Variants in LINGO1 observed in about 807,000 individuals in gnomAD.
LINGO1 encodes leucine-rich repeat and immunoglobulin-like domain-containing nogo receptor-interacting protein 1.
Under a neutral mutation model 37.3 loss-of-function variants are expected in LINGO1, and 11 were observed. The observed-to-expected ratio is 0.29, with a 90% confidence interval of 0.19 to 0.49. The LOEUF (loss-of-function observed/expected upper bound fraction) is 0.49, where lower values mean the gene tolerates loss of function less well. Ranked by LOEUF, LINGO1 falls within the 20% of genes least tolerant of loss-of-function variation. LINGO1 has a pLI of 0.99. For missense variants in LINGO1, 585 were observed against 878.2 expected (o/e 0.67, Z 4.22); for synonymous variants, 387 against 403.0 (o/e 0.96, Z 0.48).
chr15:77,644,922 G>A (rs1409042467), intron 3 of LINGO1, among the ~76,000 whole-genome samples: 3 of 152,068 alleles, frequency 2.0e-5, no homozygotes, highest in African/African-American at 7.3e-5. Flanking sequence ...CCCGAGAGGC[G>A]GAGAGATCTA....
upstream of LINGO1, among the ~76,000 whole-genome samples, chr15:77,639,060 C>G (rs768395884): frequency 2.0e-5 from 3 of 152,122 alleles, no homozygotes; most frequent in Non-Finnish European, 4.4e-5. Flanking sequence ...ACTGATGTCT[C>G]TAGTCAACCC....
chr15:77,691,196 T>C (rs1236891194), intron 1 of LINGO1, among the ~76,000 whole-genome samples: 1 of 152,224 alleles, frequency 6.6e-6, no homozygotes, highest in Non-Finnish European at 1.5e-5. Context: ...CATTTAAGTC[T>C]AAATAGCCAC....
chr15:77,810,091 C>A (rs1040627379), intron 1 of LINGO1, among the ~76,000 whole-genome samples: 1 of 152,090 alleles, frequency 6.6e-6, no homozygotes, highest in Non-Finnish European at 1.5e-5. Context: ...CTCCTCCTTG[C>A]TGTGGGGGCT....
intron 1 of LINGO1, among the ~76,000 whole-genome samples, chr15:77,767,761 G>C (rs1286915354): frequency 6.6e-6 from 1 of 152,126 alleles, no homozygotes; most frequent in East Asian, 1.9e-4. Flanking sequence ...CCACTAAAAA[G>C]ACAGTCATTA....
intron 1 of LINGO1, among the ~76,000 whole-genome samples, chr15:77,741,498 T>C (rs2076263969): frequency 6.6e-6 from 1 of 152,186 alleles, no homozygotes; most frequent in South Asian, 2.1e-4. Context: ...CACCCTTCCC[T>C]GGTGTCCTCA....
chr15:77,809,374 C>T lies in LINGO1; in HGVS notation c.-458+10884G>A, dbSNP rs116269040. Among the ~76,000 whole-genome samples the T allele has an allele frequency of 3.9e-3, 591 of 152,330 alleles. 4 individuals carry two copies. The highest frequency in any genetic ancestry group is 0.013 in the African/African-American group (556 of 41,560). On this transcript the variant is annotated intron_variant, in intron 1 of 5. Coordinates refer to the LINGO1 transcript ENST00000562933. ...GTCCTGAACTCAAATCTCACCCCCA[C>T]CCCTAACCAGGCGGGTGACCACCCT...
chr15:77,704,940 C>T (rs774213831), intron 2 of LINGO1, among the ~76,000 whole-genome samples: 13 of 152,132 alleles, frequency 8.5e-5, no homozygotes, highest in Non-Finnish European at 1.8e-4. Flanking sequence ...AGCCACCATG[C>T]CCAGTTTGCA....
At chr15:77,739,267 C>T (rs1368193199) in intron 1 of LINGO1, among the ~76,000 whole-genome samples, 1 of 152,210 alleles carries the variant, frequency 6.6e-6, no homozygotes, top group African/African-American at 2.4e-5. Context: ...TCTTTCTCTT[C>T]CCTTCCCCCC....
intron 1 of LINGO1, among the ~76,000 whole-genome samples, chr15:77,776,484 GGAAAGCAGGAAGGC>G (rs2076646055): frequency 7.5e-6 from 1 of 132,458 alleles, no homozygotes; most frequent in African/African-American, 3.0e-5. Flanking sequence ...CAGGAAGGCA[GGAAAGCAGGAAGGC>G]AGGAAGGCAG....
rs1161964371 is a variant in LINGO1 at position 77,632,300 on chromosome 15, C to T, written c.6+10G>A. On this transcript the variant is annotated intron_variant, in intron 1 of 1. Coordinates refer to ENST00000355300, the MANE Select transcript of LINGO1 (RefSeq NM_032808.7). The surrounding 1 kb of genome is among the most constrained non-coding windows in gnomAD (Gnocchi z 6.0). ...CCCGCTCGGGGCTCGGCCGCGGCCG[C>T]CTGGCTCACCTGCATCTCGGGCGCG... is the stretch of plus-strand genomic sequence containing the variant. 2.2e-5 allele frequency: 32 copies of T among 1,433,780 alleles called. No individual in the cohort carries two copies. Among genetic ancestry groups the T allele is most frequent in the Non-Finnish European group, 2.9e-5 (32 of 1,094,634 alleles). The allele number at this position is 1,433,780 out of a possible 1,614,324, so 88.8% of individuals were successfully genotyped here. A position where few individuals can be genotyped will look rare whatever the true frequency, so the allele number is the denominator to read the frequency against.
At chr15:77,741,289 C>T (rs1387219280) in intron 1 of LINGO1, among the ~76,000 whole-genome samples, 1 of 152,356 alleles carries the variant, frequency 6.6e-6, no homozygotes, top group East Asian at 1.9e-4. Flanking sequence ...CAGCAGCACC[C>T]CAAGCCTGAG....
Position 77,632,501 on chromosome 15 carries a change from CGAGCCG to C in LINGO1, c.-192_-187del, listed in dbSNP as rs2074288871. 3 of 467,880 alleles carry C rather than the reference CGAGCCG, an allele frequency of 6.4e-6. No individual in the cohort carries two copies. The highest frequency in any genetic ancestry group is 2.1e-4 in the South Asian group (2 of 9,354). 29.0% of individuals were successfully genotyped at this position (467,880 alleles called of 1,614,324 possible). ...CTGTCCGCCCCGCGCGGGCGGGAGC[CGAGCCG>C]GAGCCGGGGCCGGGGCTCGGGAGTG... On this transcript the variant is annotated 5_prime_UTR_variant, in exon 1 of 2. Coordinates refer to ENST00000355300, the MANE Select transcript of LINGO1 (RefSeq NM_032808.7). The surrounding 1 kb of genome is among the most constrained non-coding windows in gnomAD (Gnocchi z 6.0).
At chr15:77,642,366 G>A (rs1162506295) in intron 3 of LINGO1, among the ~76,000 whole-genome samples, 5 of 152,242 alleles carry the variant, frequency 3.3e-5, no homozygotes, top group Admixed American at 3.3e-4. Context: ...GCTGCCAACA[G>A]GGAGAGGCCC....
intron 1 of LINGO1, among the ~76,000 whole-genome samples, chr15:77,695,597 A>G (rs2075678312): frequency 6.6e-6 from 1 of 152,214 alleles, no homozygotes; most frequent in Non-Finnish European, 1.5e-5. Context: ...TGAAGGCCCC[A>G]GGTCAGGCCC....
intron 2 of LINGO1, among the ~76,000 whole-genome samples, chr15:77,701,829 G>A (rs2075787415): frequency 6.6e-6 from 1 of 152,070 alleles, no homozygotes; most frequent in Non-Finnish European, 1.5e-5. Context: ...ATGCTTGTAC[G>A]GCCTGCAGAA....
chr15:77,819,041 G>A (rs868839623), intron 1 of LINGO1, among the ~76,000 whole-genome samples: 2 of 151,668 alleles, frequency 1.3e-5, no homozygotes, highest in Non-Finnish European at 2.9e-5. Flanking sequence ...TGCAGGTAAG[G>A]GTGAGGCGGG....
At chr15:77,684,225 C>T (rs923271546) in intron 2 of LINGO1, among the ~76,000 whole-genome samples, 10 of 152,196 alleles carry the variant, frequency 6.6e-5, no homozygotes, top group African/African-American at 2.2e-4. Flanking sequence ...AAGTGCACCT[C>T]GTTCACTGGG....
intron 1 of LINGO1, among the ~76,000 whole-genome samples, chr15:77,763,600 T>A (rs900085125): frequency 6.6e-6 from 1 of 150,934 alleles, no homozygotes; most frequent in Non-Finnish European, 1.5e-5. Flanking sequence ...CCCCCATAGC[T>A]CTCCTCAGGG....
intron 3 of LINGO1, chr15:77,651,271 G>A (rs568889981): frequency 1.9e-4 from 29 of 152,350 alleles, no homozygotes; most frequent in African/African-American, 7.0e-4. Context: ...TGAATGAACA[G>A]TGTTCAGAAA....
Sources: allele counts gnomAD v4.1 joint callset (sites outside exome capture counted in the v4.1 genomes callset), GRCh38; gene constraint gnomAD v4.1.1; non-coding constraint Gnocchi (gnomAD v3.1); transcripts MANE v1.5; gene names NCBI Gene and HGNC (gene_info 2026-07-23, HGNC 2026-07-21).